The following ZNF267 variants were observed in gnomAD, a reference collection of about 807,000 sequenced individuals.
The protein encoded by ZNF267 is zinc finger protein 267, also known as zinc finger (C2H2).
Under a neutral mutation model 71.6 loss-of-function variants are expected in ZNF267, and 61 were observed. That is an observed-to-expected ratio of 0.85 (90% confidence interval 0.69 to 1.05). The LOEUF (loss-of-function observed/expected upper bound fraction) is 1.05, where lower values mean the gene tolerates loss of function less well. Among genes scored for constraint, ZNF267 ranks in the 50% least tolerant of loss-of-function variants. The pLI is 0.00. For synonymous variants in ZNF267, 288 were observed against 293.2 expected, an observed-to-expected ratio of 0.98 and a Z score of 0.18; for missense variants, 852 against 870.0, an observed-to-expected ratio of 0.98 and a Z score of 0.26.
rs1047263318 is a variant in ZNF267 at position 31,917,143 on chromosome 16, T to A, written c.*662T>A. 1.3e-5 allele frequency: 2 copies of A among 152,170 alleles called. No homozygotes were observed. The highest frequency in any genetic ancestry group is 6.5e-5 in the Admixed American group (1 of 15,280). The allele number at this position is 152,170 out of a possible 1,614,324, so 9.4% of individuals were successfully genotyped here. A position where few individuals can be genotyped will look rare whatever the true frequency, so the allele number is the denominator to read the frequency against. On this transcript the variant is annotated 3_prime_UTR_variant, in exon 4 of 4. Transcript: ENST00000300870. Reference sequence around the variant, plus strand: ...AATCCGTGGTGTTCATGTGAAAATATGTGTTCTGTTTTTTTTTCTGCATCA... The same window carrying A: ...AATCCGTGGTGTTCATGTGAAAATAAGTGTTCTGTTTTTTTTTCTGCATCA...
intron 1 of ZNF267, among the ~76,000 whole-genome samples, chr16:31,874,817 G>T (rs965161382): frequency 5.3e-5 from 8 of 152,096 alleles, no homozygotes; most frequent in African/African-American, 1.7e-4. Context: ...AACTGGGCTT[G>T]CAATAAAATA....
intron 3 of ZNF267, chr16:31,912,914 A>AATGAACAATC (rs2084145948): frequency 6.6e-6 from 1 of 151,960 alleles, no homozygotes; most frequent in African/African-American, 2.4e-5. Flanking sequence ...TTCCTTCTCT[A>AATGAACAATC]TTTTATCTTG....
chr16:31,901,451 C>T (rs1276438204), intron 3 of ZNF267, among the ~76,000 whole-genome samples: 1 of 152,212 alleles, frequency 6.6e-6, no homozygotes, highest in East Asian at 1.9e-4. Context: ...TCCACATCCT[C>T]TCCAGCACTT....
At chr16:31,904,740 A>G (rs1441986567) in intron 3 of ZNF267, among the ~76,000 whole-genome samples, 1 of 152,094 alleles carries the variant, frequency 6.6e-6, no homozygotes, top group African/African-American at 2.4e-5. Flanking sequence ...TCTTTATCCA[A>G]TTTGCCAGTC....
chr16:31,913,315 C>A (rs889529311), intron 3 of ZNF267: 2 of 152,214 alleles, frequency 1.3e-5, no homozygotes, highest in African/African-American at 4.8e-5. Flanking sequence ...AATGGAATTT[C>A]TTTCTCTATG....
chr16:31,882,414 T>TC, intron 1 of ZNF267, among the ~76,000 whole-genome samples: 1 of 152,296 alleles, frequency 6.6e-6, no homozygotes, highest in Non-Finnish European at 1.5e-5. Context: ...TGTGTCTGCT[T>TC]CCTCTAGCTG....
chr16:31,903,342 G>A (rs2084058458), intron 3 of ZNF267, among the ~76,000 whole-genome samples: 1 of 152,158 alleles, frequency 6.6e-6, no homozygotes, highest in African/African-American at 2.4e-5. Flanking sequence ...TCTATTGATT[G>A]GAATAGTTTC....
chr16:31,901,970 A>T (rs916145762), intron 3 of ZNF267, among the ~76,000 whole-genome samples: 7 of 152,214 alleles, frequency 4.6e-5, no homozygotes, highest in African/African-American at 1.7e-4. Context: ...TAATTTTTGT[A>T]TAAGGTGTAA....
At chr16:31,900,839 G>A (rs2084035197) in intron 3 of ZNF267, among the ~76,000 whole-genome samples, 1 of 144,920 alleles carries the variant, frequency 6.9e-6, no homozygotes, top group Non-Finnish European at 1.5e-5. Context: ...TAGGGTACAT[G>A]TGCACAACGT....
intron 3 of ZNF267, among the ~76,000 whole-genome samples, chr16:31,894,015 G>A (rs1302711844): frequency 6.6e-6 from 1 of 152,216 alleles, no homozygotes; most frequent in Non-Finnish European, 1.5e-5. Flanking sequence ...TAAGTCTACA[G>A]TGGGATGTGG....
rs749718583 is a variant in ZNF267 at position 31,885,162 on chromosome 16, T to C, written c.132T>C (p.Gly44=). Residue 44 remains glycine, a splice_region_variant and synonymous_variant, in exon 3 of 4, where the codon GGT becomes GGC. Transcript: ENST00000300870. ...LENYRNLVSL[G]LVVSKPDLIT... is the part of the protein sequence containing the mutation. The stretch of plus-strand genomic sequence containing the variant: ...ATGTGAATTTTTCCAATAAAACAGG[T>C]CTTGTTGTCTCTAAGCCGGACCTGA... The C allele has an allele frequency of 6.2e-7, 1 of 1,602,792 alleles. No individual in the cohort carries two copies. Among genetic ancestry groups the C allele is most frequent in the Non-Finnish European group, 8.5e-7 (1 of 1,175,558 alleles).
chr16:31,877,260 C>T (rs554588630), intron 1 of ZNF267, among the ~76,000 whole-genome samples: 1 of 152,272 alleles, frequency 6.6e-6, no homozygotes, highest in Non-Finnish European at 1.5e-5. Flanking sequence ...TCCTTCCCCA[C>T]ATTTTATTTG....
chr16:31,883,856 A>G (rs2083906257), intron 1 of ZNF267, among the ~76,000 whole-genome samples: 1 of 152,150 alleles, frequency 6.6e-6, no homozygotes, highest in Admixed American at 6.5e-5. Context: ...TGAAGCATTA[A>G]CACTACTGGT....
chr16:31,886,952 A>G (rs2083928359), intron 3 of ZNF267, among the ~76,000 whole-genome samples: 1 of 152,154 alleles, frequency 6.6e-6, no homozygotes, highest in African/African-American at 2.4e-5. Context: ...ATTTTTCATA[A>G]TGGCTGAATC....
At chr16:31,902,902 C>G (rs544636222) in intron 3 of ZNF267, among the ~76,000 whole-genome samples, 6 of 152,216 alleles carry the variant, frequency 3.9e-5, no homozygotes, top group Non-Finnish European at 7.4e-5. Flanking sequence ...CAGTTTTTGT[C>G]CATTCAGTGT....
At position 31,915,419 on chromosome 16, in the gene ZNF267, T is replaced by A. The variant is rs765761160; in HGVS notation, c.1170T>A (p.Thr390=). 7 of 1,613,668 alleles carry A rather than the reference T, an allele frequency of 4.3e-6. No individual in the cohort carries two copies. The East Asian group carries it at 1.3e-4, about 31-fold the overall frequency. ...GTAAAGCATGTAGCAAATCTTTTACTCGTTCCTCCAATCTTATTGTGCATC... is the reference window on the plus strand; with the variant it reads ...GTAAAGCATGTAGCAAATCTTTTACACGTTCCTCCAATCTTATTGTGCATC... ...YKCKACSKSF[T]RSSNLIVHQR... Residue 390 remains threonine, a synonymous_variant, in exon 4 of 4, where the codon ACT becomes ACA. Coordinates refer to ENST00000300870, the MANE Select transcript of ZNF267 (RefSeq NM_003414.6).
At chr16:31,905,764 C>G (rs1228242969) in intron 3 of ZNF267, among the ~76,000 whole-genome samples, 2 of 152,166 alleles carry the variant, frequency 1.3e-5, no homozygotes, top group East Asian at 1.9e-4. Flanking sequence ...GTTTGATTGT[C>G]TGACGCCTTC....
intron 3 of ZNF267, among the ~76,000 whole-genome samples, chr16:31,907,336 C>T (rs2084099426): frequency 6.6e-6 from 1 of 152,066 alleles, no homozygotes; most frequent in African/African-American, 2.4e-5. Flanking sequence ...GATAGTATCC[C>T]ATAGGTTTAC....
At chr16:31,884,203 G>A (rs1326709989) in intron 1 of ZNF267, among the ~76,000 whole-genome samples, 1 of 152,130 alleles carries the variant, frequency 6.6e-6, no homozygotes, top group Non-Finnish European at 1.5e-5. Context: ...ATTATACACA[G>A]CTGATTCTGG....
Sources: allele counts gnomAD v4.1 joint callset (sites outside exome capture counted in the v4.1 genomes callset), GRCh38; gene constraint gnomAD v4.1.1; transcripts MANE v1.5; gene names NCBI Gene and HGNC (gene_info 2026-07-23, HGNC 2026-07-21).